The following SNTG1 variants were observed in gnomAD, a reference collection of about 807,000 sequenced individuals.
The protein encoded by SNTG1 is gamma-1-syntrophin.
Under a neutral mutation model 74.7 loss-of-function variants are expected in SNTG1, and 39 were observed. The observed-to-expected ratio is 0.52, with a 90% CI of 0.40 to 0.68. SNTG1 has a LOEUF of 0.68. SNTG1 is among the 30% of genes least tolerant of loss of function. The pLI is 0.00. For missense variants in SNTG1, 685 were observed against 609.5 expected (o/e 1.12, Z -1.30); for synonymous variants, 254 against 217.1 (o/e 1.17, Z -1.49).
At chr8:50,365,225 C>T (rs1297260038) in intron 2 of SNTG1, among the ~76,000 whole-genome samples, 1 of 152,014 alleles carries the variant, frequency 6.6e-6, no homozygotes, top group East Asian at 1.9e-4. Context: ...AAGTTGTATT[C>T]ATTGATTTTT....
At position 50,141,372 on chromosome 8, in the gene SNTG1, G is replaced by GT. The variant is rs1416622874; in HGVS notation, c.-102-31184dup. Among the ~76,000 whole-genome samples, 4 of 152,156 alleles carry GT rather than the reference G, an allele frequency of 2.6e-5. No individual in the cohort carries two copies. In the East Asian group the frequency reaches 5.8e-4, roughly 22 times the overall value. ...GCATTTTTTCATTTGTTTCACTTTT[G>GT]TTTTTAATTTCCAGAATTCTAGTAG... On this transcript the variant is annotated intron_variant, in intron 1 of 18. Transcript: ENST00000642720.
At chr8:50,548,989 A>G (rs2094407459) in intron 11 of SNTG1, among the ~76,000 whole-genome samples, 3 of 152,140 alleles carry the variant, frequency 2.0e-5, no homozygotes, top group Non-Finnish European at 4.4e-5. Context: ...CTGACTTGCA[A>G]GGACCTCAGA....
At chr8:50,259,163 A>G (rs946438048) in intron 2 of SNTG1, among the ~76,000 whole-genome samples, 2 of 152,160 alleles carry the variant, frequency 1.3e-5, no homozygotes, top group African/African-American at 4.8e-5. Context: ...AAGAATTATG[A>G]ACCAAGAATC....
intron 9 of SNTG1, among the ~76,000 whole-genome samples, chr8:50,510,870 C>G (rs550384427): frequency 6.6e-6 from 1 of 152,232 alleles, no homozygotes; most frequent in East Asian, 1.9e-4. Context: ...AAACCAGCTC[C>G]TGGATTCATT....
At chr8:50,094,238 AAAG>A (rs1365010635) in intron 1 of SNTG1, among the ~76,000 whole-genome samples, 1 of 152,116 alleles carries the variant, frequency 6.6e-6, no homozygotes, top group African/African-American at 2.4e-5. Context: ...GTGCTAAGGG[AAAG>A]AAGATGGAAC....
intron 17 of SNTG1, among the ~76,000 whole-genome samples, chr8:50,745,579 C>T (rs1239827653): frequency 6.6e-6 from 1 of 151,942 alleles, no homozygotes; most frequent in Non-Finnish European, 1.5e-5. Flanking sequence ...GAATTGAAAG[C>T]AGGGACTTAA....
At chr8:50,112,648 G>A (rs111889522) in intron 1 of SNTG1, among the ~76,000 whole-genome samples, 12,074 of 147,388 alleles carry the variant, frequency 0.082, 1,559 homozygotes, top group African/African-American at 0.28. Context: ...TCAGGCTTCC[G>A]AGTAGCTGGG....
intron 13 of SNTG1, among the ~76,000 whole-genome samples, chr8:50,645,610 T>C (rs537787605): frequency 1.3e-5 from 2 of 152,296 alleles, no homozygotes; most frequent in South Asian, 2.1e-4. Flanking sequence ...CCAGAGAGAA[T>C]TTACTTTTAT....
chr8:49,969,663 C>G (rs147726107), intron 1 of SNTG1, among the ~76,000 whole-genome samples: 1 of 151,986 alleles, frequency 6.6e-6, no homozygotes, highest in Non-Finnish European at 1.5e-5. Context: ...TCCCAAAGTG[C>G]TCAGATTACA....
intron 2 of SNTG1, among the ~76,000 whole-genome samples, chr8:50,200,521 C>A (rs529210319): frequency 6.6e-6 from 1 of 152,278 alleles, no homozygotes; most frequent in Non-Finnish European, 1.5e-5. Context: ...AAGATGTGTA[C>A]TTGTAATTCT....
At chr8:49,929,513 G>A (rs534876746) in intron 1 of SNTG1, among the ~76,000 whole-genome samples, 1 of 152,152 alleles carries the variant, frequency 6.6e-6, no homozygotes, top group Admixed American at 6.5e-5. Context: ...GAGGTAATCT[G>A]TGCATCCCAC....
At chr8:50,790,098 G>T (rs776196307) in intron 18 of SNTG1, among the ~76,000 whole-genome samples, 39 of 151,808 alleles carry the variant, frequency 2.6e-4, no homozygotes, top group Admixed American at 1.3e-4. Flanking sequence ...TCCTTCCCAC[G>T]GCCCTTTGAG....
intron 12 of SNTG1, among the ~76,000 whole-genome samples, chr8:50,575,370 T>C (rs1458741519): frequency 6.6e-6 from 1 of 152,204 alleles, no homozygotes; most frequent in Non-Finnish European, 1.5e-5. Context: ...ACTTCTAAAA[T>C]ATGCCTCCTG....
At chr8:50,479,276 A>G (rs898236622) in intron 8 of SNTG1, among the ~76,000 whole-genome samples, 7 of 152,032 alleles carry the variant, frequency 4.6e-5, no homozygotes, top group Non-Finnish European at 8.8e-5. Context: ...TTTTTCTTCA[A>G]GAATTTAATA....
At chr8:49,968,349 A>T (rs1168816693) in intron 1 of SNTG1, among the ~76,000 whole-genome samples, 1 of 152,174 alleles carries the variant, frequency 6.6e-6, no homozygotes, top group Non-Finnish European at 1.5e-5. Flanking sequence ...TCTCATGTAA[A>T]GATCATTAAA....
chr8:50,747,437 T>G (rs1405882918), intron 17 of SNTG1, among the ~76,000 whole-genome samples: 6 of 151,652 alleles, frequency 4.0e-5, no homozygotes, highest in Non-Finnish European at 7.4e-5. Flanking sequence ...ACAAGTTTTT[T>G]TGTGCATGTG....
At chr8:50,082,204 T>C (rs1452374566) in intron 1 of SNTG1, among the ~76,000 whole-genome samples, 1 of 152,196 alleles carries the variant, frequency 6.6e-6, no homozygotes, top group African/African-American at 2.4e-5. Flanking sequence ...TTTCTTTAGT[T>C]ATTTGAATAT....
intron 2 of SNTG1, among the ~76,000 whole-genome samples, chr8:50,197,721 G>C (rs2131823137): frequency 6.6e-6 from 1 of 152,130 alleles, no homozygotes; most frequent in South Asian, 2.1e-4. Flanking sequence ...CTTCCACATT[G>C]AGGTTTCTGA....
intron 15 of SNTG1, among the ~76,000 whole-genome samples, chr8:50,675,892 G>C (rs981889015): frequency 6.6e-6 from 1 of 151,914 alleles, no homozygotes; most frequent in Non-Finnish European, 1.5e-5. Flanking sequence ...GTCTAGAAAG[G>C]ATTTTATTTC....
Sources: allele counts gnomAD v4.1 joint callset (sites outside exome capture counted in the v4.1 genomes callset), GRCh38; gene constraint gnomAD v4.1.1; transcripts MANE v1.5; gene names NCBI Gene and HGNC (gene_info 2026-07-23, HGNC 2026-07-21).